The following SPEN variants were observed in gnomAD, a reference collection of about 807,000 sequenced individuals.
SPEN encodes spen family transcriptional repressor, also known as msx2-interacting protein.
Under a neutral mutation model 269.9 loss-of-function variants are expected in SPEN, and 18 were observed. That is an observed-to-expected ratio of 0.07 (90% confidence interval 0.05 to 0.10). SPEN has a LOEUF of 0.10. Ranked by LOEUF, SPEN falls within the 10% of genes least tolerant of loss-of-function variation. The pLI is 1.00. For missense variants in SPEN, 3,822 were observed against 4,631.2 expected, an observed-to-expected ratio of 0.83 and a Z score of 5.07; for synonymous variants, 1,726 against 1,765.7, an observed-to-expected ratio of 0.98 and a Z score of 0.56.
rs1486869311 is a variant in SPEN at position 15,919,069 on chromosome 1, A to C, written c.1521+18A>C. 6.2e-7 allele frequency: 1 copy of C among 1,603,574 alleles called. No homozygotes were observed. The highest frequency in any genetic ancestry group is 1.3e-5 in the African/African-American group (1 of 74,404). On this transcript the variant is annotated intron_variant, in intron 7 of 14. Coordinates refer to ENST00000375759, the MANE Select transcript of SPEN (RefSeq NM_015001.3). ...GCCTCAAGGTAAATGAATTTGCATA[A>C]ATTATTGTGCTGTTATGATTTGCTT... is the stretch of plus-strand genomic sequence containing the variant.
At chr1:15,865,574 C>A (rs545091679) in intron 1 of SPEN, among the ~76,000 whole-genome samples, 4 of 150,468 alleles carry the variant, frequency 2.7e-5, no homozygotes. Context: ...AGGCACGCAC[C>A]GCCACATCCG....
rs1165076403 is a variant in SPEN at position 15,881,787 on chromosome 1, T to C, written c.881+5109T>C. ...CAAAGTGTAATATTTTGAGATGTTA[T>C]GAAATTCAGAATGTTCAGTTTTCCT... On this transcript the variant is annotated intron_variant, in intron 3 of 14. Transcript: ENST00000375759. 2.0e-5 allele frequency among the ~76,000 whole-genome samples: 3 copies of C among 152,270 alleles called. No homozygotes were observed. In the South Asian group the frequency reaches 6.2e-4, roughly 31 times the overall value.
chr1:15,866,883 G>C (rs1267789627), intron 1 of SPEN, among the ~76,000 whole-genome samples: 2 of 152,134 alleles, frequency 1.3e-5, no homozygotes, highest in Non-Finnish European at 2.9e-5. Context: ...TTGATTTATA[G>C]TGAGATAACA....
chr1:15,913,992 ATTCT>A (rs2071034433), intron 5 of SPEN, among the ~76,000 whole-genome samples: 1 of 152,208 alleles, frequency 6.6e-6, no homozygotes, highest in Middle Eastern at 3.2e-3. Context: ...AAACCTCAAT[ATTCT>A]ATCTGAATTT....
Position 15,929,904 on chromosome 1 carries a change from TCTC to T in SPEN, c.3670_3672del (p.Pro1224del), listed in dbSNP as rs767724849. The T allele has an allele frequency of 6.2e-6, 10 of 1,614,142 alleles. No individual in the cohort carries two copies. The highest frequency in any genetic ancestry group is 1.7e-5 in the Admixed American group (1 of 60,026). On this transcript the variant is annotated inframe_deletion, in exon 11 of 15. Transcript: ENST00000375759. This position sits in a 1 kb window ranked among gnomAD's most constrained non-coding sequence, Gnocchi z 5.8. ...ACCCCCTCAAGATGTCACTGATGAC[TCTC>T]CTCCTAGCAAAAAGAAAAGGATGGA...
intron 3 of SPEN, among the ~76,000 whole-genome samples, chr1:15,879,423 C>T (rs773293419): frequency 1.6e-4 from 25 of 151,886 alleles, no homozygotes; most frequent in Non-Finnish European, 2.6e-4. Flanking sequence ...GGAGCTTAGT[C>T]CCTGCTCATG....
Position 15,848,937 on chromosome 1 carries a change from C to A in SPEN, c.83+787C>A, listed in dbSNP as rs1357148107. ...CTGGTGCCCCCCACCCCTGAATTCC[C>A]GAATCAAACGGTAAAACATTCCAAA... On this transcript the variant is annotated intron_variant, in intron 1 of 14. Coordinates refer to ENST00000375759, the MANE Select transcript of SPEN (RefSeq NM_015001.3). This position sits in a 1 kb window ranked among gnomAD's most constrained non-coding sequence, Gnocchi z 5.1. Among the ~76,000 whole-genome samples the A allele has an allele frequency of 1.3e-5, 2 of 151,846 alleles. No homozygotes were observed. The highest frequency in any genetic ancestry group is 1.3e-4 in the Admixed American group (2 of 15,242).
At chr1:15,882,031 G>T (rs188443915) in intron 3 of SPEN, among the ~76,000 whole-genome samples, 4 of 152,292 alleles carry the variant, frequency 2.6e-5, no homozygotes, top group Admixed American at 6.5e-5. Flanking sequence ...TGAAGAGATT[G>T]CTAGTGGGGT....
chr1:15,857,378 A>G (rs1037052664), intron 1 of SPEN, among the ~76,000 whole-genome samples: 1 of 144,096 alleles, frequency 6.9e-6, no homozygotes, highest in Non-Finnish European at 1.5e-5. Flanking sequence ...TTTTTTTGAG[A>G]CGGAGTCTCG....
In SPEN at chr1:15,876,279, G is replaced by A; in HGVS notation, c.482G>A (p.Arg161Gln). 2 of 1,613,970 alleles carry A rather than the reference G, an allele frequency of 1.2e-6. No individual in the cohort carries two copies. Among genetic ancestry groups the A allele is most frequent in the South Asian group, 1.1e-5 (1 of 91,074 alleles). ...GAACGGGGGACGGGAGGATTTGATC[G>A]GACAAGACATTACGATCAGGATTAC... ...HHERGTGGFD[R>Q]TRHYDQDYYR... is the part of the protein sequence containing the mutation. The change falls in exon 3 of 15, where the codon CGG becomes CAG. Residue 161 changes from arginine (R) to glutamine (Q), a missense_variant. Physicochemically the swap from Arg to Gln is conservative, Grantham distance 43. This residue lies in a region of SPEN where 327 missense variants were observed against 350.8 expected (regional missense o/e 0.93). Coordinates refer to ENST00000375759, the MANE Select transcript of SPEN (RefSeq NM_015001.3).
rs201304190 is a variant in SPEN at position 15,891,899 on chromosome 1, G to GT, written c.881+15228dup. On this transcript the variant is annotated intron_variant, in intron 3 of 14. Transcript: ENST00000375759. ...ATACACATCAAGTTCTGGAGACCTGGTTTTTTTAAAAAAAAAAAACTTATT... is the reference window on the plus strand; with the variant it reads ...ATACACATCAAGTTCTGGAGACCTGGTTTTTTTTAAAAAAAAAAAACTTATT... Among the ~76,000 whole-genome samples, 1,198 of 139,620 alleles carry GT rather than the reference G, an allele frequency of 8.6e-3. 20 individuals carry two copies. The highest frequency in any genetic ancestry group is 0.029 in the African/African-American group (1,100 of 37,500). The allele number at this position is 139,620 out of a possible 152,430, so 91.6% of individuals were successfully genotyped here. A position where few individuals can be genotyped will look rare whatever the true frequency, so the allele number is the denominator to read the frequency against.
At chr1:15,882,565 T>A (rs942338936) in intron 3 of SPEN, among the ~76,000 whole-genome samples, 5 of 152,064 alleles carry the variant, frequency 3.3e-5, no homozygotes, top group African/African-American at 4.8e-5. Flanking sequence ...GTGGCTGAGG[T>A]GCGAGAATCG....
At position 15,872,850 on chromosome 1, in the gene SPEN, A is replaced by C; in HGVS notation, c.118A>C (p.Lys40Gln). 6.5e-7 allele frequency: 1 copy of C among 1,534,204 alleles called. No individual in the cohort carries two copies. Among genetic ancestry groups the C allele is most frequent in the Non-Finnish European group, 8.8e-7 (1 of 1,130,986 alleles). ...CGTGGAAAGTGTCAAAATTCTTCCC[A>C]AGAGGGGATCTGAAGGAGGAGTGGC... is the stretch of plus-strand genomic sequence containing the variant. Reference protein sequence around the residue: ...GRVESVKILPKRGSEGGVAAF... With the variant: ...GRVESVKILPQRGSEGGVAAF... Residue 40 changes from lysine to glutamine, a missense_variant, in exon 2 of 15, where the codon AAG becomes CAG. Physicochemically the swap from Lys to Gln is moderately conservative, Grantham distance 53 (BLOSUM62 1). Transcript: ENST00000375759.
chr1:15,913,411 C>T (rs897478288), intron 5 of SPEN, among the ~76,000 whole-genome samples: 4 of 151,908 alleles, frequency 2.6e-5, no homozygotes, highest in South Asian at 2.1e-4. Context: ...ACTGAATTTC[C>T]GATCTTGAAA....
rs1466968781 is a variant in SPEN, at chr1:15,934,153, C to T, written c.7913C>T (p.Thr2638Ile). 6.2e-7 allele frequency: 1 copy of T among 1,614,172 alleles called. No homozygotes were observed. The highest frequency in any genetic ancestry group is 8.5e-7 in the Non-Finnish European group (1 of 1,180,030). ...GACCTGGAAAATTCACAGAAGATAA[C>T]CTTGGCAAAACCAGCTCCTCAAACC... ...SIDLENSQKI[T>I]LAKPAPQTLT... The change falls in exon 11 of 15, where the codon ACC (threonine) becomes ATC (isoleucine). Residue 2638 changes from threonine to isoleucine, a missense_variant. By Grantham distance (89) the Thr-to-Ile change is moderately conservative (BLOSUM62 -1). Around this residue, in one of 16 missense-constraint regions of SPEN, gnomAD observed 329 missense variants for 431.2 expected, o/e 0.76. Transcript: ENST00000375759. This position sits in a 1 kb window ranked among gnomAD's most constrained non-coding sequence, Gnocchi z 9.2.
Position 15,876,183 on chromosome 1 carries a change from T to C in SPEN, c.405-19T>C, listed in dbSNP as rs905296211. On this transcript the variant is annotated intron_variant, in intron 2 of 14. Transcript: ENST00000375759. ...CTTGCTCCTTTCTGATTAAATATTT[T>C]TCCCCCTCCTAAATGCAGGGCTTCA... 14 of 1,579,220 alleles carry C rather than the reference T, an allele frequency of 8.9e-6. No individual in the cohort carries two copies. The highest frequency in any genetic ancestry group is 1.2e-5 in the Non-Finnish European group (14 of 1,151,712).
intron 1 of SPEN, among the ~76,000 whole-genome samples, chr1:15,865,446 C>T (rs1157249674): frequency 3.9e-5 from 5 of 128,920 alleles, no homozygotes; most frequent in Admixed American, 3.3e-4. Flanking sequence ...TTTTCTGAGA[C>T]GGTGTCTCAC....
intron 3 of SPEN, among the ~76,000 whole-genome samples, chr1:15,895,246 A>G (rs1000225267): frequency 1.3e-4 from 20 of 152,138 alleles, no homozygotes; most frequent in African/African-American, 4.8e-4. Context: ...TTTTAAGTGT[A>G]TAGTTCTGTG....
Position 15,848,184 on chromosome 1 carries a change from C to G in SPEN, c.83+34C>G, listed in dbSNP as rs2070293024. 2.9e-6 allele frequency: 4 copies of G among 1,393,900 alleles called. No individual in the cohort carries two copies. Among genetic ancestry groups the G allele is most frequent in the Non-Finnish European group, 3.8e-6 (4 of 1,043,988 alleles). 86.3% of individuals were successfully genotyped at this position (1,393,900 alleles called of 1,614,324 possible). On this transcript the variant is annotated intron_variant, in intron 1 of 14. Coordinates refer to ENST00000375759, the MANE Select transcript of SPEN (RefSeq NM_015001.3). This position sits in a 1 kb window ranked among gnomAD's most constrained non-coding sequence, Gnocchi z 5.1. ...CACGAGGCCCGCGGCCGCGCTCGCT[C>G]CTCGGGCGCCGCTTCCCGCCCCGGC...
Sources: gnomAD v4.1 joint callset for allele counts (sites outside exome capture counted in the v4.1 genomes callset) on GRCh38, gnomAD v4.1.1 for gene constraint, gnomAD v4.1.1 regional missense constraint, Gnocchi (gnomAD v3.1) non-coding constraint, MANE v1.5 for transcripts, NCBI Gene and HGNC (gene_info 2026-07-23, HGNC 2026-07-21) for gene names.